CTNNA2: variants seen among roughly 807,000 people sequenced by gnomAD.
CTNNA2 encodes the protein catenin alpha 2.
A neutral mutation model predicts 101.0 loss-of-function variants in CTNNA2; 42 were observed. The ratio of observed to expected loss-of-function variants is 0.42; its 90% CI spans 0.32 to 0.54. The LOEUF (loss-of-function observed/expected upper bound fraction) is 0.54. Ranked by LOEUF, CTNNA2 falls within the 20% of genes least tolerant of loss-of-function variation. CTNNA2 has a pLI of 0.14. For synonymous variants in CTNNA2, 450 were observed against 456.4 expected (o/e 0.99, Z 0.18); for missense variants, 871 against 1,223.1 (o/e 0.71, Z 4.29).
rs559598372 is a variant in CTNNA2 at position 80,563,256 on chromosome 2, A to C, written c.1741+7363A>C. ...CTGGAATTGGTGGTCTGGATGCTTT[A>C]ATTGTGCACAACTGAGGCTGTAGTA... On this transcript the variant is annotated intron_variant, in intron 12 of 18. Transcript: ENST00000402739. 2.0e-5 allele frequency among the ~76,000 whole-genome samples: 3 copies of C among 152,282 alleles called. No individual in the cohort carries two copies. In the South Asian group the frequency reaches 6.2e-4, roughly 32 times the overall value.
intron 1 of CTNNA2, chr2:79,524,560 C>T (rs1225009727): frequency 6.6e-6 from 1 of 151,684 alleles, no homozygotes; most frequent in Non-Finnish European, 1.5e-5. Context: ...CACACACACA[C>T]ACCCCACTTA....
At chr2:79,240,205 GCA>G (rs1215105410) in intron 2 of CTNNA2, among the ~76,000 whole-genome samples, 1 of 151,140 alleles carries the variant, frequency 6.6e-6, no homozygotes, top group African/African-American at 2.4e-5. Context: ...ACCATGCTTG[GCA>G]CAGTTTTCTT....
chr2:80,223,073 C>A (rs896228227), intron 7 of CTNNA2, among the ~76,000 whole-genome samples: 1 of 152,098 alleles, frequency 6.6e-6, no homozygotes, highest in Non-Finnish European at 1.5e-5. Context: ...TCCTAGGTTT[C>A]AGATACCCAT....
chr2:79,535,361 C>T lies in CTNNA2; in HGVS notation c.-6+22154C>T, dbSNP rs375227921. ...CTGGGATTATAGGCCCCTGCCACCACGCCCAGCTAATTTTTTGTATTTTTA... is the reference window on the plus strand; with the variant it reads ...CTGGGATTATAGGCCCCTGCCACCATGCCCAGCTAATTTTTTGTATTTTTA... On this transcript the variant is annotated intron_variant, in intron 1 of 18. Transcript: ENST00000402739. 3.9e-5 allele frequency among the ~76,000 whole-genome samples: 6 copies of T among 152,056 alleles called. No individual in the cohort carries two copies. In the East Asian group the frequency reaches 5.8e-4, roughly 15 times the overall value.
intron 7 of CTNNA2, among the ~76,000 whole-genome samples, chr2:80,377,725 G>A (rs1196737398): frequency 6.6e-6 from 1 of 152,214 alleles, no homozygotes; most frequent in African/African-American, 2.4e-5. Flanking sequence ...CCTTCTAGGA[G>A]ACTAAGATGA....
intron 7 of CTNNA2, among the ~76,000 whole-genome samples, chr2:80,032,672 A>G (rs986497237): frequency 2.0e-5 from 3 of 152,218 alleles, no homozygotes; most frequent in African/African-American, 7.2e-5. Context: ...GCAAAAATCA[A>G]TTGCTTCTAT....
At chr2:80,285,001 A>T (rs561089110) in intron 7 of CTNNA2, among the ~76,000 whole-genome samples, 2 of 152,268 alleles carry the variant, frequency 1.3e-5, no homozygotes, top group African/African-American at 4.8e-5. Context: ...AGAATCAGGA[A>T]GGTTGTCTGT....
chr2:79,813,868 T>A (rs7585451), intron 3 of CTNNA2, among the ~76,000 whole-genome samples: 26 of 152,126 alleles, frequency 1.7e-4, no homozygotes, highest in African/African-American at 5.8e-4. Context: ...TATATTGTTT[T>A]GTGCTTCTGG....
At chr2:79,563,658 A>G (rs1674932880) in intron 1 of CTNNA2, among the ~76,000 whole-genome samples, 1 of 152,190 alleles carries the variant, frequency 6.6e-6, no homozygotes, top group Non-Finnish European at 1.5e-5. Context: ...TATTATTTTC[A>G]TGTATAATTT....
Position 80,342,855 on chromosome 2 carries a change from C to T in CTNNA2, c.1057-50356C>T, listed in dbSNP as rs376625872. Among the ~76,000 whole-genome samples the T allele has an allele frequency of 3.9e-5, 6 of 152,200 alleles. No homozygotes were observed. The East Asian group carries it at 5.8e-4, about 15-fold the overall frequency. The stretch of plus-strand genomic sequence containing the variant: ...AACAGAAATGTATTGTGTCACAGTT[C>T]GGGAGGACAGAGGTCCAAGATCAAG... On this transcript the variant is annotated intron_variant, in intron 7 of 18. Transcript: ENST00000402739.
chr2:80,165,519 C>T (rs2078520), intron 7 of CTNNA2, among the ~76,000 whole-genome samples: 36,807 of 152,034 alleles, frequency 0.24, 6,685 homozygotes, highest in African/African-American at 0.5. Flanking sequence ...AGTAATTGCT[C>T]TTTGAAGCAT....
intron 2 of CTNNA2, among the ~76,000 whole-genome samples, chr2:79,713,236 T>G (rs1685855351): frequency 6.6e-6 from 1 of 152,196 alleles, no homozygotes; most frequent in Admixed American, 6.5e-5. Context: ...ATAGCAATTC[T>G]AATACAGTTC....
intron 2 of CTNNA2, among the ~76,000 whole-genome samples, chr2:79,206,387 T>C (rs1232643007): frequency 6.6e-6 from 1 of 152,112 alleles, no homozygotes; most frequent in Non-Finnish European, 1.5e-5. Flanking sequence ...TGTATTAACT[T>C]TTCCATAGTC....
chr2:79,848,425 A>T (rs1418572184), intron 3 of CTNNA2, among the ~76,000 whole-genome samples: 1 of 152,190 alleles, frequency 6.6e-6, no homozygotes, highest in Admixed American at 6.5e-5. Context: ...CTTTTTATGG[A>T]ATGTGGCTAT....
chr2:79,987,845 A>C (rs1691874774), intron 7 of CTNNA2, among the ~76,000 whole-genome samples: 1 of 152,274 alleles, frequency 6.6e-6, no homozygotes, highest in Admixed American at 6.5e-5. Context: ...CAGTGACACC[A>C]GTAATTCTTA....
chr2:80,165,046 G>T (rs1704584556), intron 7 of CTNNA2, among the ~76,000 whole-genome samples: 3 of 151,116 alleles, frequency 2.0e-5, no homozygotes, highest in Admixed American at 2.0e-4. Context: ...CACTGCTTAG[G>T]GTTTTCTGAG....
At chr2:79,295,840 A>G (rs779124258) in intron 2 of CTNNA2, among the ~76,000 whole-genome samples, 7 of 151,564 alleles carry the variant, frequency 4.6e-5, no homozygotes, top group East Asian at 1.9e-4. Context: ...TGAGTACTTA[A>G]TTATATACTC....
At chr2:80,565,172 T>C (rs1693945892) in intron 12 of CTNNA2, among the ~76,000 whole-genome samples, 1 of 152,132 alleles carries the variant, frequency 6.6e-6, no homozygotes, top group Non-Finnish European at 1.5e-5. Context: ...TTGTTTTGTT[T>C]TTATTTTCTG....
At chr2:79,933,139 A>G (rs1407332216) in intron 7 of CTNNA2, among the ~76,000 whole-genome samples, 1 of 152,142 alleles carries the variant, frequency 6.6e-6, no homozygotes, top group African/African-American at 2.4e-5. Context: ...TGTTAACATC[A>G]CCACTACCAC....
Sources: allele counts gnomAD v4.1 joint callset (sites outside exome capture counted in the v4.1 genomes callset), GRCh38; gene constraint gnomAD v4.1.1; transcripts MANE v1.5; gene names NCBI Gene and HGNC (gene_info 2026-07-23, HGNC 2026-07-21).